Variants in DLGAP4 observed in about 807,000 individuals in gnomAD.
DLGAP4 encodes the protein disks large-associated protein 4.
DLGAP4 carries 18 observed loss-of-function variants against 86.9 expected under a neutral mutation model. That is an observed-to-expected ratio of 0.21 (90% CI 0.14 to 0.31). The LOEUF is 0.31. Among genes scored for constraint, DLGAP4 ranks in the 10% least tolerant of loss-of-function variants. The probability of loss-of-function intolerance (pLI) is 1.00; values close to 1 mark genes in which losing one functional copy is unlikely to be tolerated. For missense variants in DLGAP4, 1,085 were observed against 1,362.6 expected (o/e 0.80, Z 3.21); for synonymous variants, 548 against 574.3 (o/e 0.95, Z 0.65).
At chr20:36,312,013 A>T (rs1021029374) in intron 1 of DLGAP4, among the ~76,000 whole-genome samples, 1 of 152,084 alleles carries the variant, frequency 6.6e-6, no homozygotes, top group Non-Finnish European at 1.5e-5. Flanking sequence ...TGGTCTGGAG[A>T]GCAGCCTTGG....
chr20:36,463,879 A>G (rs2034217222), intron 7 of DLGAP4, among the ~76,000 whole-genome samples: 1 of 152,186 alleles, frequency 6.6e-6, no homozygotes, highest in African/African-American at 2.4e-5. Flanking sequence ...CAGCTGTTCA[A>G]GCGCCTTGTC....
At chr20:36,355,298 C>CTTTT (rs530582187) in intron 1 of DLGAP4, among the ~76,000 whole-genome samples, 3 of 135,094 alleles carry the variant, frequency 2.2e-5, no homozygotes, top group Non-Finnish European at 3.1e-5. Context: ...TTCTTTCTTT[C>CTTTT]TTTTTTTTTT....
chr20:36,332,556 AT>A (rs1265309891), intron 1 of DLGAP4, among the ~76,000 whole-genome samples: 2 of 151,600 alleles, frequency 1.3e-5, no homozygotes, highest in Non-Finnish European at 2.9e-5. Flanking sequence ...CACCCAGCTA[AT>A]TTTTGTATTT....
At chr20:36,314,035 G>A (rs1265556345) in intron 1 of DLGAP4, among the ~76,000 whole-genome samples, 1 of 152,056 alleles carries the variant, frequency 6.6e-6, no homozygotes, top group African/African-American at 2.4e-5. Context: ...CAGGTGAAGG[G>A]GTGTCGGCAT....
At chr20:36,370,957 A>G (rs143981103) in intron 2 of DLGAP4, among the ~76,000 whole-genome samples, 2 of 152,358 alleles carry the variant, frequency 1.3e-5, no homozygotes, top group African/African-American at 2.4e-5. Context: ...TGCTAAGCAC[A>G]TTTGTTCCCT....
At chr20:36,363,148 G>A (rs2030574181) in intron 1 of DLGAP4, among the ~76,000 whole-genome samples, 1 of 152,192 alleles carries the variant, frequency 6.6e-6, no homozygotes, top group African/African-American at 2.4e-5. Context: ...TCCAGGCAGA[G>A]CAAGAGCACG....
At chr20:36,485,893 G>A (rs190934439) in intron 7 of DLGAP4, among the ~76,000 whole-genome samples, 6 of 152,166 alleles carry the variant, frequency 3.9e-5, no homozygotes, top group Admixed American at 1.3e-4. Context: ...CCATTGCTCC[G>A]TGCCGAGGGT....
intron 8 of DLGAP4, chr20:36,497,996 C>G (rs1158340573): frequency 6.6e-6 from 1 of 152,140 alleles, no homozygotes; most frequent in Non-Finnish European, 1.5e-5. Flanking sequence ...GGAGACAGGG[C>G]CCCCCCAAGC....
chr20:36,338,442 C>A (rs1212978092), intron 1 of DLGAP4, among the ~76,000 whole-genome samples: 1 of 152,182 alleles, frequency 6.6e-6, no homozygotes, highest in African/African-American at 2.4e-5. Context: ...TGTGGTGGCG[C>A]ATGCCTGTAA....
chr20:36,425,871 C>G (rs1251539845), intron 2 of DLGAP4, among the ~76,000 whole-genome samples: 1 of 152,158 alleles, frequency 6.6e-6, no homozygotes, highest in Admixed American at 6.6e-5. Flanking sequence ...TATGATCCAG[C>G]AATTCCACTT....
At chr20:36,406,127 G>A (rs1253816626) in intron 2 of DLGAP4, among the ~76,000 whole-genome samples, 3 of 152,110 alleles carry the variant, frequency 2.0e-5, no homozygotes, top group South Asian at 2.1e-4. Flanking sequence ...GGCCGGGCGC[G>A]GTGGCTCACG....
chr20:36,493,120 G>C (rs1282021356), intron 7 of DLGAP4: 2 of 151,864 alleles, frequency 1.3e-5, no homozygotes, highest in East Asian at 3.9e-4. Context: ...CCCAGCCTTA[G>C]CTTCTGCAAT....
At chr20:36,456,251 G>A (rs2033875961) in intron 7 of DLGAP4, among the ~76,000 whole-genome samples, 1 of 152,222 alleles carries the variant, frequency 6.6e-6, no homozygotes, top group African/African-American at 2.4e-5. Context: ...CAGCTAGTAG[G>A]TCAGGGAGCA....
chr20:36,371,766 T>A (rs2425221), intron 2 of DLGAP4, among the ~76,000 whole-genome samples: 3,318 of 152,018 alleles, frequency 0.022, 67 homozygotes, highest in African/African-American at 0.052. Flanking sequence ...TTTTTTTTTT[T>A]AAAAAGAGGT....
intron 2 of DLGAP4, among the ~76,000 whole-genome samples, chr20:36,413,993 G>A (rs141748056): frequency 6.6e-6 from 1 of 152,050 alleles, no homozygotes; most frequent in Non-Finnish European, 1.5e-5. Flanking sequence ...GGTCAAATAG[G>A]GTCCAGACCT....
intron 7 of DLGAP4, among the ~76,000 whole-genome samples, chr20:36,476,384 A>G (rs1426865006): frequency 9.6e-5 from 13 of 134,776 alleles, no homozygotes; most frequent in South Asian, 7.0e-4. Flanking sequence ...CTGGAGTGCA[A>G]TGGCGCTCTC....
chr20:36,436,262 C>G lies in DLGAP4; in HGVS notation c.1153C>G (p.Pro385Ala). 2 of 1,605,946 alleles carry G rather than the reference C, an allele frequency of 1.2e-6. No homozygotes were observed. Among genetic ancestry groups the G allele is most frequent in the Non-Finnish European group, 1.7e-6 (2 of 1,179,478 alleles). ...DEDSDESGGS[P>A]KPSPKTAARR... ...GGACAGCGACGAGTCCGGCGGCAGC[C>G]CCAAGCCCTCACCCAAGACCGCGGC... is the stretch of plus-strand genomic sequence containing the variant. Residue 385 changes from proline to alanine, a missense_variant, in exon 4 of 13, where the codon CCC becomes GCC. Pro to Ala is a conservative substitution (Grantham distance 27, BLOSUM62 -1). Coordinates refer to ENST00000339266, the MANE Select transcript of DLGAP4 (RefSeq NM_001365621.2).
At chr20:36,462,082 C>A (rs912406408) in intron 7 of DLGAP4, 7 of 992,526 alleles carry the variant, frequency 7.1e-6, no homozygotes, top group Non-Finnish European at 8.4e-6. Flanking sequence ...GTTCTGCACC[C>A]CAAGTCGCTG....
intron 2 of DLGAP4, among the ~76,000 whole-genome samples, chr20:36,371,804 C>T (rs1259066988): frequency 1.3e-5 from 2 of 151,964 alleles, no homozygotes; most frequent in Admixed American, 6.6e-5. Context: ...AGCATTATAT[C>T]ATTTCTGTAA....
Sources: allele counts gnomAD v4.1 joint callset (sites outside exome capture counted in the v4.1 genomes callset), GRCh38; gene constraint gnomAD v4.1.1; transcripts MANE v1.5; gene names NCBI Gene and HGNC (gene_info 2026-07-23, HGNC 2026-07-21).